Variants in AQP4 observed in about 807,000 individuals in gnomAD.
AQP4 encodes aquaporin-4.
A neutral mutation model predicts 27.8 loss-of-function variants in AQP4; 18 were observed. That is an observed-to-expected ratio of 0.65 (90% confidence interval 0.45 to 0.96). The LOEUF (loss-of-function observed/expected upper bound fraction) is 0.96, where lower values mean the gene tolerates loss of function less well. Among genes scored for constraint, AQP4 ranks in the 40% least tolerant of loss-of-function variants. The probability of loss-of-function intolerance (pLI) is 0.00; values close to 1 mark genes in which losing one functional copy is unlikely to be tolerated. For synonymous variants in AQP4, 141 were observed against 142.9 expected (o/e 0.99, Z 0.10); for missense variants, 412 against 408.2 (o/e 1.01, Z -0.08).
chr18:26,855,125 C>G lies in AQP4; in HGVS notation c.*1086G>C, dbSNP rs996506366. ...CAGTAAAGATTATCAACAAATGTCA[C>G]GAGAAGTGAGAGAGCAGAGATTGGG... is the stretch of plus-strand genomic sequence containing the variant. On this transcript the variant is annotated 3_prime_UTR_variant, in exon 5 of 5. Coordinates refer to ENST00000383168, the MANE Select transcript of AQP4 (RefSeq NM_001650.7). 2 of 152,122 alleles carry G rather than the reference C, an allele frequency of 1.3e-5. No homozygotes were observed. Among genetic ancestry groups the G allele is most frequent in the African/African-American group, 4.8e-5 (2 of 41,420 alleles). 9.4% of individuals were successfully genotyped at this position (152,122 alleles called of 1,614,324 possible).
rs980538294 is a variant in AQP4 at position 26,853,062 on chromosome 18, C to G, written c.*3149G>C. On this transcript the variant is annotated 3_prime_UTR_variant, in exon 5 of 5. Coordinates refer to ENST00000383168, the MANE Select transcript of AQP4 (RefSeq NM_001650.7). ...CATGGTCTGAGAACAGTATTCTGTG[C>G]TCTTTGGAATCAGATCTCTGATAAA... 2.5e-6 allele frequency: 1 copy of G among 395,870 alleles called. No individual in the cohort carries two copies. Among genetic ancestry groups the G allele is most frequent in the Non-Finnish European group, 4.4e-6 (1 of 224,726 alleles). 24.5% of individuals were successfully genotyped at this position (395,870 alleles called of 1,614,324 possible).
At position 26,860,024 on chromosome 18, in the gene AQP4, A is replaced by C. The variant is rs978906007; in HGVS notation, c.693+748T>G. 2.0e-5 allele frequency among the ~76,000 whole-genome samples: 3 copies of C among 152,332 alleles called. No homozygotes were observed. The South Asian group carries it at 6.2e-4, about 32-fold the overall frequency. ...TACTTATTTAATTTTAAAGGATTTA[A>C]ATTCCTTTGCTGTGAGAAACAACTG... On this transcript the variant is annotated intron_variant, in intron 4 of 4. Coordinates refer to ENST00000383168, the MANE Select transcript of AQP4 (RefSeq NM_001650.7).
chr18:26,862,967 G>C, intron 1 of AQP4: 1 of 195,796 alleles, frequency 5.1e-6, no homozygotes, highest in Non-Finnish European at 9.9e-6. Context: ...CTTACATTTC[G>C]AACATAAAGC....
In AQP4 at chr18:26,853,810, C is replaced by T. The variant is rs543514231; in HGVS notation, c.*2401G>A. The T allele has an allele frequency of 7.9e-5, 12 of 152,726 alleles. 1 individual carries two copies. In the South Asian group the frequency reaches 2.5e-3, roughly 32 times the overall value. 9.5% of individuals were successfully genotyped at this position (152,726 alleles called of 1,614,324 possible). On this transcript the variant is annotated 3_prime_UTR_variant, in exon 5 of 5. Coordinates refer to ENST00000383168, the MANE Select transcript of AQP4 (RefSeq NM_001650.7). The stretch of plus-strand genomic sequence containing the variant: ...GAGTGAAATACAAAATATGTTGTCT[C>T]ATATGTAGGGGCAAAAAAGTGCTAA...
intron 1 of AQP4, among the ~76,000 whole-genome samples, chr18:26,863,997 G>C (rs923821052): frequency 8.9e-5 from 10 of 112,392 alleles, no homozygotes; most frequent in South Asian, 4.6e-4. Context: ...CCCCTTTTGG[G>C]GGGGGGGGGC....
Position 26,862,396 on chromosome 18 carries a change from C to G in AQP4, c.233G>C (p.Gly78Ala). 7 of 1,614,192 alleles carry G rather than the reference C, an allele frequency of 4.3e-6. No homozygotes were observed. The highest frequency in any genetic ancestry group is 5.9e-6 in the Non-Finnish European group (7 of 1,180,044). ...VDMVLISLCFGLSIATMVQCF... is the reference protein window; with the variant it reads ...VDMVLISLCFALSIATMVQCF... ...CTGCACCATGGTTGCAATGCTGAGT[C>G]CAAAGCAAAGGGAGATGAGAACCAT... Residue 78 changes from glycine to alanine, a missense_variant, in exon 2 of 5, where the codon GGA (glycine) becomes GCA (alanine). Physicochemically the swap from Gly to Ala is moderately conservative, Grantham distance 60. Transcript: ENST00000383168.
chr18:26,864,676 C>T (rs1022839915), intron 1 of AQP4, among the ~76,000 whole-genome samples: 6 of 152,082 alleles, frequency 3.9e-5, no homozygotes, highest in African/African-American at 7.2e-5. Flanking sequence ...GGGCTGTAGC[C>T]GGGATGGCAA....
At chr18:26,863,998 G>GA (rs112121435) in intron 1 of AQP4, among the ~76,000 whole-genome samples, 5,852 of 126,740 alleles carry the variant, frequency 0.046, 387 homozygotes, top group African/African-American at 0.14. Context: ...CCCTTTTGGG[G>GA]GGGGGGGGCA....
At position 26,852,571 on chromosome 18, in the gene AQP4, C is replaced by T; in HGVS notation, c.*3640G>A. The stretch of plus-strand genomic sequence containing the variant: ...AATTTTTGATCCTTGAATTAAATGT[C>T]TTTCATTTATTTCAGAGAATTATGA... On this transcript the variant is annotated 3_prime_UTR_variant, in exon 5 of 5. Transcript: ENST00000383168. 2 of 358,916 alleles carry T rather than the reference C, an allele frequency of 5.6e-6. No individual in the cohort carries two copies. The allele number at this position is 358,916 out of a possible 1,614,324, so 22.2% of individuals were successfully genotyped here.
At chr18:26,863,688 A>T (rs1252475715) in intron 1 of AQP4, among the ~76,000 whole-genome samples, 2 of 151,654 alleles carry the variant, frequency 1.3e-5, no homozygotes, top group Non-Finnish European at 2.9e-5. Flanking sequence ...GAGCTCGGGA[A>T]GTCAGGAAAA....
At chr18:26,859,887 G>A (rs777440594) in intron 4 of AQP4, among the ~76,000 whole-genome samples, 3 of 152,072 alleles carry the variant, frequency 2.0e-5, no homozygotes, top group Admixed American at 6.6e-5. Flanking sequence ...AGTGACATTT[G>A]CAATATATAA....
chr18:26,861,429 GA>G (rs1270712722), intron 2 of AQP4, 134 bp from the exon 3 acceptor site: 1 of 842,972 alleles, frequency 1.2e-6, no homozygotes, highest in Non-Finnish European at 1.9e-6. Flanking sequence ...CTTCAACTGA[GA>G]ATTTCCTTCT....
At chr18:26,858,693 G>C (rs2054886531) in intron 4 of AQP4, among the ~76,000 whole-genome samples, 1 of 152,180 alleles carries the variant, frequency 6.6e-6, no homozygotes, top group African/African-American at 2.4e-5. Flanking sequence ...CCACAAGGGA[G>C]ACTAGAACAG....
At position 26,865,408 on chromosome 18, in the gene AQP4, T is replaced by A. The variant is rs929150625; in HGVS notation, c.32+250A>T. ...TGTACTATAGCTAGATTCACCTCCA[T>A]AGGGTAATTTTCCTGGGCTTTTGCA... On this transcript the variant is annotated intron_variant, in intron 1 of 4. Coordinates refer to ENST00000383168, the MANE Select transcript of AQP4 (RefSeq NM_001650.7). The A allele has an allele frequency of 1.2e-5, 7 of 597,604 alleles. No individual in the cohort carries two copies. In the East Asian group the frequency reaches 2.0e-4, roughly 17 times the overall value. 37.0% of individuals were successfully genotyped at this position (597,604 alleles called of 1,614,324 possible). A position where few individuals can be genotyped will look rare whatever the true frequency, so the allele number is the denominator to read the frequency against.
rs1033872002 is a variant in AQP4, at chr18:26,855,487, G to A, written c.*724C>T. On this transcript the variant is annotated 3_prime_UTR_variant, in exon 5 of 5. Coordinates refer to ENST00000383168, the MANE Select transcript of AQP4 (RefSeq NM_001650.7). ...TGCCTCTGCCTCTACAAGATTTTAC[G>A]AGTCTGCTTGTCTTGAATCTCAATA... The A allele has an allele frequency of 1.3e-5, 2 of 152,218 alleles. No homozygotes were observed. The highest frequency in any genetic ancestry group is 1.5e-5 in the Non-Finnish European group (1 of 68,122). 9.4% of individuals were successfully genotyped at this position (152,218 alleles called of 1,614,324 possible).
chr18:26,857,429 C>T (rs71353405), intron 4 of AQP4, among the ~76,000 whole-genome samples: 7,846 of 152,058 alleles, frequency 0.052, 325 homozygotes, highest in Non-Finnish European at 0.07. Flanking sequence ...CGGGTTCACG[C>T]CATTCTCCTG....
intron 3 of AQP4, 99 bp downstream of exon 3, chr18:26,861,032 T>C: frequency 6.8e-7 from 1 of 1,474,772 alleles, no homozygotes; most frequent in African/African-American, 1.4e-5. Flanking sequence ...CATGGCTGGA[T>C]ACTAAAGAGC....
chr18:26,865,767 T>TA (rs775407345), upstream of AQP4: 12 of 1,568,592 alleles, frequency 7.7e-6, no homozygotes, highest in Non-Finnish European at 1.1e-5. Flanking sequence ...TACGGCCACT[T>TA]GTCTGATTGG....
intron 2 of AQP4, among the ~76,000 whole-genome samples, chr18:26,861,653 T>C (rs1309625971): frequency 6.6e-6 from 1 of 152,216 alleles, no homozygotes; most frequent in Non-Finnish European, 1.5e-5. Context: ...TAATTAGGTT[T>C]AAATTAATTA....
Sources: allele counts gnomAD v4.1 joint callset (sites outside exome capture counted in the v4.1 genomes callset), GRCh38; gene constraint gnomAD v4.1.1; transcripts MANE v1.5; gene names NCBI Gene and HGNC (gene_info 2026-07-23, HGNC 2026-07-21).